Variants in ACOT13 observed in about 807,000 individuals in gnomAD.
ACOT13 encodes acyl-coenzyme A thioesterase 13.
Under a neutral mutation model 11.8 loss-of-function variants are expected in ACOT13, and 10 were observed. That is an observed-to-expected ratio of 0.85 (90% CI 0.53 to 1.44). The LOEUF (loss-of-function observed/expected upper bound fraction) is 1.44, where lower values mean the gene tolerates loss of function less well. Ranked by LOEUF, ACOT13 falls within the 40% of genes most tolerant of loss-of-function variation. The pLI, the probability that ACOT13 is intolerant of heterozygous loss-of-function variation, is 0.00. For missense variants in ACOT13, 172 were observed against 174.1 expected, an observed-to-expected ratio of 0.99 and a Z score of 0.07; for synonymous variants, 53 against 61.0, an observed-to-expected ratio of 0.87 and a Z score of 0.61.
intron 1 of ACOT13, among the ~76,000 whole-genome samples, chr6:24,680,833 C>CT (rs1212571030): frequency 6.6e-6 from 1 of 152,184 alleles, no homozygotes; most frequent in Non-Finnish European, 1.5e-5. Context: ...TTGAAATAGT[C>CT]TTTTGATTAT....
chr6:24,702,858 T>C lies in ACOT13; in HGVS notation c.*1243T>C, dbSNP rs938953046. On this transcript the variant is annotated 3_prime_UTR_variant, in exon 3 of 3. Transcript: ENST00000230048. ...ATCTCAAACCTCCAAGTCTATAGTATTGAAAAGACCAAGTTCACTTCTCAG... is the reference window on the plus strand; with the variant it reads ...ATCTCAAACCTCCAAGTCTATAGTACTGAAAAGACCAAGTTCACTTCTCAG... The C allele has an allele frequency of 6.6e-6, 1 of 152,032 alleles. No individual in the cohort carries two copies. The highest frequency in any genetic ancestry group is 1.5e-5 in the Non-Finnish European group (1 of 67,988). 9.4% of individuals were successfully genotyped at this position (152,032 alleles called of 1,614,324 possible). A position where few individuals can be genotyped will look rare whatever the true frequency, so the allele number is the denominator to read the frequency against.
chr6:24,670,925 T>C (rs1394160721), intron 1 of ACOT13, among the ~76,000 whole-genome samples: 1 of 151,990 alleles, frequency 6.6e-6, no homozygotes, highest in Non-Finnish European at 1.5e-5. Flanking sequence ...TGTAACAATC[T>C]CCAAAGTTAA....
chr6:24,676,058 G>T (rs564898696), intron 1 of ACOT13, among the ~76,000 whole-genome samples: 82 of 152,188 alleles, frequency 5.4e-4, no homozygotes, highest in Admixed American at 2.9e-3. Context: ...ATTTCTGAGG[G>T]CTCTGTTCTG....
intron 1 of ACOT13, among the ~76,000 whole-genome samples, chr6:24,682,486 G>A (rs1057048471): frequency 2.4e-4 from 37 of 152,190 alleles, no homozygotes; most frequent in Non-Finnish European, 3.7e-4. Context: ...CATGGGTCAC[G>A]GAAGAGAACC....
At chr6:24,701,003 C>T (rs1778883957) in intron 2 of ACOT13, 1 of 152,130 alleles carries the variant, frequency 6.6e-6, no homozygotes, top group African/African-American at 2.4e-5. Flanking sequence ...AAAATATAGA[C>T]AGTCCATCAT....
intron 1 of ACOT13, among the ~76,000 whole-genome samples, chr6:24,667,934 C>T (rs1487866724): frequency 1.3e-5 from 2 of 152,136 alleles, no homozygotes; most frequent in Admixed American, 6.5e-5. Flanking sequence ...GATGAGGTTT[C>T]GCCCTTGTTG....
At chr6:24,668,124 T>C (rs1778294419) in intron 1 of ACOT13, among the ~76,000 whole-genome samples, 1 of 151,910 alleles carries the variant, frequency 6.6e-6, no homozygotes, top group South Asian at 2.1e-4. Flanking sequence ...GTCAGGCTGC[T>C]CTCGAACTCC....
intron 1 of ACOT13, among the ~76,000 whole-genome samples, chr6:24,680,349 G>A (rs1483145231): frequency 6.6e-6 from 1 of 152,082 alleles, no homozygotes; most frequent in African/African-American, 2.4e-5. Context: ...AGCGTCTGAG[G>A]GTCAAATTGG....
Position 24,704,555 on chromosome 6 carries a change from G to T in ACOT13, c.*2940G>T, listed in dbSNP as rs996117800. The T allele has an allele frequency of 6.6e-6, 1 of 152,166 alleles. No individual in the cohort carries two copies. The highest frequency in any genetic ancestry group is 2.4e-5 in the African/African-American group (1 of 41,442). The allele number at this position is 152,166 out of a possible 1,614,324, so 9.4% of individuals were successfully genotyped here. A position where few individuals can be genotyped will look rare whatever the true frequency, so the allele number is the denominator to read the frequency against. Reference sequence around the variant, plus strand: ...GAGAGGTTAAGACAAGAGCTTAGAAGAGTACCTGGTTATAATAAACATTCA... The same window carrying T: ...GAGAGGTTAAGACAAGAGCTTAGAATAGTACCTGGTTATAATAAACATTCA... On this transcript the variant is annotated 3_prime_UTR_variant, in exon 3 of 3. Transcript: ENST00000230048.
rs1433953263 is a variant in ACOT13 at position 24,704,284 on chromosome 6, A to G, written c.*2669A>G. 6.6e-6 allele frequency: 1 copy of G among 152,268 alleles called. No individual in the cohort carries two copies. Among genetic ancestry groups the G allele is most frequent in the Non-Finnish European group, 1.5e-5 (1 of 68,048 alleles). The allele number at this position is 152,268 out of a possible 1,614,324, so 9.4% of individuals were successfully genotyped here. A position where few individuals can be genotyped will look rare whatever the true frequency, so the allele number is the denominator to read the frequency against. On this transcript the variant is annotated 3_prime_UTR_variant, in exon 3 of 3. Transcript: ENST00000230048. ...AATAATAAAAATGAGGGTAAAGATT[A>G]CACAACAGCTTTCATATTACTCTGG...
chr6:24,689,664 C>T (rs1403013844), intron 1 of ACOT13, among the ~76,000 whole-genome samples: 1 of 151,748 alleles, frequency 6.6e-6, no homozygotes, highest in Non-Finnish European at 1.5e-5. Flanking sequence ...TATTCAGCAC[C>T]GAAAGAGTAG....
chr6:24,696,936 C>A (rs922966658), intron 1 of ACOT13, among the ~76,000 whole-genome samples: 1 of 152,130 alleles, frequency 6.6e-6, no homozygotes, highest in African/African-American at 2.4e-5. Context: ...CCACCACACC[C>A]GGCTAATTTT....
intron 1 of ACOT13, among the ~76,000 whole-genome samples, chr6:24,668,799 A>C (rs1778308381): frequency 1.5e-5 from 2 of 131,912 alleles, no homozygotes; most frequent in Non-Finnish European, 3.7e-5. Flanking sequence ...TTGGTTGCAG[A>C]AAGAATAATT....
At chr6:24,693,811 C>T (rs1445544477) in intron 1 of ACOT13, among the ~76,000 whole-genome samples, 5 of 151,754 alleles carry the variant, frequency 3.3e-5, no homozygotes, top group Non-Finnish European at 7.4e-5. Flanking sequence ...TCCACTTCCA[C>T]CTCCCAGGCT....
At position 24,702,918 on chromosome 6, in the gene ACOT13, G is replaced by A. The variant is rs1778917155; in HGVS notation, c.*1303G>A. 1 of 152,210 alleles carries A rather than the reference G, an allele frequency of 6.6e-6. No individual in the cohort carries two copies. Among genetic ancestry groups the A allele is most frequent in the South Asian group, 2.1e-4 (1 of 4,822 alleles). 9.4% of individuals were successfully genotyped at this position (152,210 alleles called of 1,614,324 possible). On this transcript the variant is annotated 3_prime_UTR_variant, in exon 3 of 3. Transcript: ENST00000230048. ...AGTTCAGTTGACTGTGGCACTCTGA[G>A]ACAGCTTCTGTCACTCAGGCTGGAG... is the stretch of plus-strand genomic sequence containing the variant.
At chr6:24,698,595 T>C (rs948498407) in intron 2 of ACOT13, among the ~76,000 whole-genome samples, 1 of 152,072 alleles carries the variant, frequency 6.6e-6, no homozygotes, top group Non-Finnish European at 1.5e-5. Context: ...TTAGAGTTCA[T>C]ATACACATTA....
chr6:24,669,335 A>G (rs1338716074), intron 1 of ACOT13, among the ~76,000 whole-genome samples: 1 of 152,224 alleles, frequency 6.6e-6, no homozygotes, highest in Non-Finnish European at 1.5e-5. Flanking sequence ...CTTCCAGGTC[A>G]CGGGTAGGTG....
At chr6:24,670,569 C>T (rs539214578) in intron 1 of ACOT13, among the ~76,000 whole-genome samples, 3 of 152,338 alleles carry the variant, frequency 2.0e-5, no homozygotes, top group East Asian at 1.9e-4. Flanking sequence ...GTTTCTCCAA[C>T]TGTGTCCTGT....
intron 1 of ACOT13, 68 bp downstream of exon 1, chr6:24,667,412 G>A: frequency 7.1e-7 from 1 of 1,408,742 alleles, no homozygotes; most frequent in South Asian, 1.2e-5. Flanking sequence ...GCTTGGTGCC[G>A]TTGTGAGCTT....
Sources: allele counts gnomAD v4.1 joint callset (sites outside exome capture counted in the v4.1 genomes callset), GRCh38; gene constraint gnomAD v4.1.1; transcripts MANE v1.5; gene names NCBI Gene and HGNC (gene_info 2026-07-23, HGNC 2026-07-21).